The following STIM2 variants were observed in gnomAD, a reference collection of about 807,000 sequenced individuals.
STIM2 encodes stromal interaction molecule 2.
Under a neutral mutation model 85.8 loss-of-function variants are expected in STIM2, and 31 were observed. The ratio of observed to expected loss-of-function variants is 0.36; its 90% CI spans 0.27 to 0.49. The LOEUF (loss-of-function observed/expected upper bound fraction) is 0.49. Ranked by LOEUF, STIM2 falls within the 20% of genes least tolerant of loss-of-function variation. The pLI is 0.98. For synonymous variants in STIM2, 356 were observed against 331.1 expected, an observed-to-expected ratio of 1.08 and a Z score of -0.82; for missense variants, 841 against 927.6, an observed-to-expected ratio of 0.91 and a Z score of 1.21.
intron 3 of STIM2, among the ~76,000 whole-genome samples, chr4:26,973,429 G>A (rs1727050539): frequency 6.6e-6 from 1 of 152,182 alleles, no homozygotes; most frequent in South Asian, 2.1e-4. Context: ...AGACATCCTA[G>A]TATGTTGTAT....
At position 27,008,469 on chromosome 4, in the gene STIM2, T is replaced by C. The variant is rs746135741; in HGVS notation, c.1191T>C (p.Thr397=). ...AGAAGAGAAGCACAGTCTTTGGGACTCTGCACGTTGCACACAGCTCCTCCC... is the reference window on the plus strand; with the variant it reads ...AGAAGAGAAGCACAGTCTTTGGGACCCTGCACGTTGCACACAGCTCCTCCC... Residue 397 remains threonine (T), a synonymous_variant, in exon 9 of 12, where the codon ACT becomes ACC. Transcript: ENST00000467087. 5.6e-6 allele frequency: 9 copies of C among 1,604,638 alleles called. No individual in the cohort carries two copies. The South Asian group carries it at 6.8e-5, about 12-fold the overall frequency.
chr4:27,022,402 T>C, intron 11 of STIM2, 117 bp from the exon 12 acceptor site: 4 of 810,868 alleles, frequency 4.9e-6, no homozygotes, highest in South Asian at 4.1e-5. Flanking sequence ...TAGAATCATA[T>C]CATTTCCCTC....
chr4:26,901,333 C>A (rs961428883), intron 1 of STIM2, among the ~76,000 whole-genome samples: 3 of 151,904 alleles, frequency 2.0e-5, no homozygotes, highest in Non-Finnish European at 4.4e-5. Context: ...AGGTTATGTT[C>A]TTTCTGTTTA....
At chr4:27,001,450 C>A (rs1027196587) in intron 5 of STIM2, among the ~76,000 whole-genome samples, 1 of 152,132 alleles carries the variant, frequency 6.6e-6, no homozygotes, top group South Asian at 2.1e-4. Context: ...CATATAGACA[C>A]CTAAAACTGA....
At chr4:26,941,631 C>T (rs1312817697) in intron 2 of STIM2, among the ~76,000 whole-genome samples, 2 of 151,994 alleles carry the variant, frequency 1.3e-5, no homozygotes, top group Non-Finnish European at 2.9e-5. Flanking sequence ...ACTTTCTCCC[C>T]TTAAAAAAGG....
intron 11 of STIM2, among the ~76,000 whole-genome samples, chr4:27,019,198 T>C (rs1392783965): frequency 6.6e-6 from 1 of 152,202 alleles, no homozygotes; most frequent in Admixed American, 6.5e-5. Flanking sequence ...ATCATGTGAC[T>C]CTTTAGGTGA....
chr4:26,987,045 T>G (rs1434854886), intron 3 of STIM2, among the ~76,000 whole-genome samples: 1 of 152,228 alleles, frequency 6.6e-6, no homozygotes, highest in African/African-American at 2.4e-5. Flanking sequence ...GAGATTGCTT[T>G]CAGCTAGAGT....
rs758762942 is a variant in STIM2, at chr4:26,999,449, GA to G, written c.625+104del. ...AAATAAGATAGTAGGCCTCTAAGAA[GA>G]ATCATCTATTACCTGTGAAAGAAGT... On this transcript the variant is annotated intron_variant, in intron 5 of 11. Coordinates refer to ENST00000467087, the MANE Select transcript of STIM2 (RefSeq NM_020860.4). 37 of 513,454 alleles carry G rather than the reference GA, an allele frequency of 7.2e-5. 1 individual carries two copies. Among genetic ancestry groups the G allele is most frequent in the East Asian group, 5.1e-4 (13 of 25,674 alleles). 31.8% of individuals were successfully genotyped at this position (513,454 alleles called of 1,614,324 possible). A position where few individuals can be genotyped will look rare whatever the true frequency, so the allele number is the denominator to read the frequency against.
chr4:27,003,794 G>C (rs1285903265), intron 7 of STIM2, among the ~76,000 whole-genome samples: 1 of 152,114 alleles, frequency 6.6e-6, no homozygotes, highest in African/African-American at 2.4e-5. Flanking sequence ...CCCTCTGCAG[G>C]CTGTAGGGGA....
chr4:26,958,938 A>G (rs1037498203), intron 3 of STIM2, among the ~76,000 whole-genome samples: 4 of 152,144 alleles, frequency 2.6e-5, no homozygotes, highest in Admixed American at 2.6e-4. Flanking sequence ...ATTGATTGGA[A>G]CCCACTTGAC....
chr4:26,927,556 G>C (rs1724994884), intron 2 of STIM2, among the ~76,000 whole-genome samples: 1 of 68,378 alleles, frequency 1.5e-5, no homozygotes, highest in South Asian at 5.4e-4. Context: ...GGGAGGGATA[G>C]CATTGGGAGA....
intron 1 of STIM2, among the ~76,000 whole-genome samples, chr4:26,911,888 G>T (rs1167998706): frequency 6.6e-6 from 1 of 152,114 alleles, no homozygotes; most frequent in Non-Finnish European, 1.5e-5. Flanking sequence ...TATGTGCTAG[G>T]TGTTTGTAGT....
At chr4:26,892,210 C>T (rs916412881) in intron 1 of STIM2, among the ~76,000 whole-genome samples, 1 of 152,142 alleles carries the variant, frequency 6.6e-6, no homozygotes, top group Non-Finnish European at 1.5e-5. Context: ...TGAAAATGAA[C>T]GAATACATCA....
At chr4:26,920,090 A>G (rs2109065976) in intron 2 of STIM2, among the ~76,000 whole-genome samples, 1 of 152,288 alleles carries the variant, frequency 6.6e-6, no homozygotes, top group South Asian at 2.1e-4. Flanking sequence ...GGGCTGGAGT[A>G]TCTAAGACAG....
At chr4:26,933,980 A>G (rs1725305234) in intron 2 of STIM2, among the ~76,000 whole-genome samples, 1 of 151,994 alleles carries the variant, frequency 6.6e-6, no homozygotes, top group Non-Finnish European at 1.5e-5. Context: ...GATCACTTGA[A>G]TTCAGGCATT....
intron 1 of STIM2, among the ~76,000 whole-genome samples, chr4:26,867,043 C>G (rs1364745085): frequency 6.6e-6 from 1 of 151,994 alleles, no homozygotes; most frequent in South Asian, 2.1e-4. Flanking sequence ...GAGGAGATAA[C>G]AGAGATAAGG....
chr4:27,013,374 A>G (rs1419700634), intron 10 of STIM2, among the ~76,000 whole-genome samples: 4 of 151,982 alleles, frequency 2.6e-5, no homozygotes, highest in African/African-American at 7.2e-5. Context: ...AAACTTTATT[A>G]TAGGTATGTA....
chr4:26,947,244 T>G (rs1250876891), intron 2 of STIM2, among the ~76,000 whole-genome samples: 2 of 152,144 alleles, frequency 1.3e-5, no homozygotes, highest in Non-Finnish European at 2.9e-5. Context: ...TCTGTTTTAT[T>G]AGAGAGAACA....
intron 11 of STIM2, chr4:27,021,624 A>C (rs1728915074): frequency 4.4e-6 from 2 of 456,594 alleles, no homozygotes; most frequent in African/African-American, 2.0e-5. Context: ...TAAGTGAATG[A>C]TATGTTTTGC....
Sources: allele counts gnomAD v4.1 joint callset (sites outside exome capture counted in the v4.1 genomes callset), GRCh38; gene constraint gnomAD v4.1.1; transcripts MANE v1.5; gene names NCBI Gene and HGNC (gene_info 2026-07-23, HGNC 2026-07-21).